MSI2: variants seen among roughly 807,000 people sequenced by gnomAD.
MSI2 encodes musashi RNA binding protein 2, also known as RNA-binding protein Musashi homolog 2.
MSI2 carries 17 observed loss-of-function variants against 45.6 expected under a neutral mutation model. The ratio of observed to expected loss-of-function variants is 0.37; its 90% CI spans 0.26 to 0.56. MSI2 has a LOEUF of 0.56. Among genes scored for constraint, MSI2 ranks in the 20% least tolerant of loss-of-function variants. MSI2 has a pLI of 0.77. For synonymous variants in MSI2, 156 were observed against 158.2 expected, an observed-to-expected ratio of 0.99 and a Z score of 0.11; for missense variants, 293 against 444.2, an observed-to-expected ratio of 0.66 and a Z score of 3.06.
intron 5 of MSI2, among the ~76,000 whole-genome samples, chr17:57,271,028 C>T (rs2143276344): frequency 6.6e-6 from 1 of 152,230 alleles, no homozygotes; most frequent in South Asian, 2.1e-4. Flanking sequence ...GTTTTTGCTG[C>T]CTCTGAGAGT....
chr17:57,447,111 A>G (rs1044634036), intron 6 of MSI2, among the ~76,000 whole-genome samples: 3 of 152,288 alleles, frequency 2.0e-5, no homozygotes, highest in Admixed American at 6.5e-5. Flanking sequence ...ATTTAGAGAT[A>G]GGGTCTCTCT....
At chr17:57,396,366 C>A (rs1489877220) in intron 5 of MSI2, among the ~76,000 whole-genome samples, 1 of 151,564 alleles carries the variant, frequency 6.6e-6, no homozygotes, top group Non-Finnish European at 1.5e-5. Flanking sequence ...CCTCCCCTTA[C>A]CCCACTCTGC....
chr17:57,376,940 A>T (rs1352536744), intron 5 of MSI2, among the ~76,000 whole-genome samples: 3 of 119,362 alleles, frequency 2.5e-5, no homozygotes, highest in African/African-American at 9.7e-5. Context: ...TTTTTTTTTG[A>T]GACGGAGTCT....
intron 5 of MSI2, among the ~76,000 whole-genome samples, chr17:57,366,673 C>G (rs942348682): frequency 6.6e-6 from 1 of 152,212 alleles, no homozygotes; most frequent in African/African-American, 2.4e-5. Context: ...GTGGGGACAG[C>G]CAAGGAACAG....
At chr17:57,441,526 C>T (rs75886088) in intron 6 of MSI2, among the ~76,000 whole-genome samples, 2,789 of 152,184 alleles carry the variant, frequency 0.018, 36 homozygotes, top group Middle Eastern at 0.075. Context: ...GGTTTTGAAT[C>T]GCAGCTTCAG....
intron 11 of MSI2, among the ~76,000 whole-genome samples, chr17:57,658,348 T>C (rs1911753545): frequency 6.6e-6 from 1 of 152,208 alleles, no homozygotes; most frequent in Non-Finnish European, 1.5e-5. Flanking sequence ...TGAACACACA[T>C]CTCTCAGTCT....
chr17:57,318,139 ACT>A (rs1469423710), intron 5 of MSI2, among the ~76,000 whole-genome samples: 2 of 152,008 alleles, frequency 1.3e-5, no homozygotes, highest in Non-Finnish European at 2.9e-5. Flanking sequence ...ACAGAGGGAG[ACT>A]CTGTCTCAAA....
intron 13 of MSI2, among the ~76,000 whole-genome samples, chr17:57,677,826 GC>G (rs1389989161): frequency 6.6e-6 from 1 of 152,172 alleles, no homozygotes; most frequent in Non-Finnish European, 1.5e-5. Context: ...CAGTGAGGAA[GC>G]CCCTTGCCAC....
chr17:57,481,610 C>G (rs1261401192), intron 6 of MSI2, among the ~76,000 whole-genome samples: 1 of 152,196 alleles, frequency 6.6e-6, no homozygotes, highest in African/African-American at 2.4e-5. Context: ...TGCCACTCAA[C>G]TCTGCCTTGA....
At chr17:57,337,565 A>G (rs1914777455) in intron 5 of MSI2, among the ~76,000 whole-genome samples, 1 of 151,960 alleles carries the variant, frequency 6.6e-6, no homozygotes. Flanking sequence ...GGCAGTGAGA[A>G]TCCCTGGCGG....
chr17:57,385,519 C>T (rs1321782285), intron 5 of MSI2, among the ~76,000 whole-genome samples: 1 of 152,126 alleles, frequency 6.6e-6, no homozygotes, highest in African/African-American at 2.4e-5. Context: ...GGCATGGTGG[C>T]ACATGCCTGT....
At chr17:57,622,653 C>CAA (rs113441008) in intron 9 of MSI2, among the ~76,000 whole-genome samples, 1 of 143,912 alleles carries the variant, frequency 6.9e-6, no homozygotes, top group African/African-American at 2.5e-5. Context: ...GAAATGTGAG[C>CAA]AAAAAAAAAA....
At chr17:57,493,142 G>A (rs561621854) in intron 6 of MSI2, among the ~76,000 whole-genome samples, 1 of 152,288 alleles carries the variant, frequency 6.6e-6, no homozygotes, top group East Asian at 1.9e-4. Context: ...CCGGCCAGCA[G>A]GCTCTAAAGG....
At chr17:57,545,610 C>CTT (rs1328604131) in intron 7 of MSI2, among the ~76,000 whole-genome samples, 1 of 152,194 alleles carries the variant, frequency 6.6e-6, no homozygotes. Flanking sequence ...ATAGAGCTGT[C>CTT]TGAAGTAGCA....
At chr17:57,656,833 G>A (rs978048327) in intron 11 of MSI2, among the ~76,000 whole-genome samples, 5 of 152,164 alleles carry the variant, frequency 3.3e-5, no homozygotes, top group African/African-American at 4.8e-5. Context: ...ACAGGAGCAC[G>A]TGCTGCCAGT....
chr17:57,594,552 C>T (rs976660989), intron 7 of MSI2, among the ~76,000 whole-genome samples: 11 of 152,094 alleles, frequency 7.2e-5, no homozygotes, highest in East Asian at 1.9e-4. Flanking sequence ...GGGGAAGTGT[C>T]GGTGTGGCTC....
rs992469705 is a variant in MSI2, at chr17:57,360,515, C to T, written c.313-40864C>T. Among the ~76,000 whole-genome samples the T allele has an allele frequency of 1.3e-5, 2 of 152,240 alleles. 1 individual carries two copies. The highest frequency in any genetic ancestry group is 4.1e-4 in the South Asian group (2 of 4,832). ...CTGACTTGTCTCTTGTCCCCAGATG[C>T]TCTCCTGGCCCGTGAGGGCCATAGC... is the stretch of plus-strand genomic sequence containing the variant. On this transcript the variant is annotated intron_variant, in intron 5 of 13. Transcript: ENST00000284073.
chr17:57,675,097 C>G lies in MSI2; in HGVS notation c.916C>G (p.Pro306Ala). Residue 306 changes from proline to alanine, a missense_variant, in exon 12 of 14, where the codon CCG becomes GCG. Pro to Ala is a conservative substitution (Grantham distance 27). Transcript: ENST00000284073. ...GNYISAASPQ[P>A]GSGFGHGIAG... is the part of the protein sequence containing the mutation. ...TTACATAAGTGCGGCCAGCCCACAG[C>G]CGGGCTCGGGCTTCGGCCACGGCAT... is the stretch of plus-strand genomic sequence containing the variant. 1 of 1,613,880 alleles carries G rather than the reference C, an allele frequency of 6.2e-7. No homozygotes were observed. Among genetic ancestry groups the G allele is most frequent in the Non-Finnish European group, 8.5e-7 (1 of 1,179,984 alleles).
chr17:57,512,594 G>T (rs551345738), intron 6 of MSI2, among the ~76,000 whole-genome samples: 1 of 152,332 alleles, frequency 6.6e-6, no homozygotes, highest in Admixed American at 6.5e-5. Flanking sequence ...TTAAGACTTG[G>T]CTGTAAATCA....
Sources: allele counts gnomAD v4.1 joint callset (sites outside exome capture counted in the v4.1 genomes callset), GRCh38; gene constraint gnomAD v4.1.1; transcripts MANE v1.5; gene names NCBI Gene and HGNC (gene_info 2026-07-23, HGNC 2026-07-21).